Variants in RAPGEF4 observed in about 807,000 individuals in gnomAD.
The protein encoded by RAPGEF4 is Rap guanine nucleotide exchange factor 4.
RAPGEF4 carries 66 observed loss-of-function variants against 147.9 expected under a neutral mutation model. The observed-to-expected ratio is 0.45, with a 90% CI of 0.37 to 0.55. The LOEUF (loss-of-function observed/expected upper bound fraction) is 0.55, where lower values mean the gene tolerates loss of function less well. Among genes scored for constraint, RAPGEF4 ranks in the 20% least tolerant of loss-of-function variants. The pLI is 0.00. For missense variants in RAPGEF4, 1,071 were observed against 1,257.3 expected, an observed-to-expected ratio of 0.85 and a Z score of 2.24; for synonymous variants, 419 against 442.7, an observed-to-expected ratio of 0.95 and a Z score of 0.67.
intron 15 of RAPGEF4, among the ~76,000 whole-genome samples, chr2:172,991,945 T>C (rs1230767249): frequency 6.6e-6 from 1 of 152,226 alleles, no homozygotes; most frequent in African/African-American, 2.4e-5. Flanking sequence ...AGGATTCTTA[T>C]CATATTACAA....
chr2:172,857,912 A>G, intron 4 of RAPGEF4, among the ~76,000 whole-genome samples: 4 of 4,232 alleles, frequency 9.5e-4, no homozygotes, highest in African/African-American at 1.6e-3. Context: ...AAAAAAAAAA[A>G]AAAAAAAAAA....
intron 26 of RAPGEF4, 58 bp from the exon 27 acceptor site, chr2:173,033,856 A>C: frequency 1.3e-6 from 2 of 1,501,692 alleles, no homozygotes; most frequent in South Asian, 2.3e-5. Flanking sequence ...GTAACCCATG[A>C]TACATATCTA....
At chr2:172,919,336 A>G (rs1162253742) in intron 5 of RAPGEF4, among the ~76,000 whole-genome samples, 1 of 152,096 alleles carries the variant, frequency 6.6e-6, no homozygotes. Flanking sequence ...GACCCCTCAA[A>G]GTCTGGATTT....
chr2:172,908,054 T>C (rs1268689170), intron 4 of RAPGEF4, among the ~76,000 whole-genome samples: 2 of 152,174 alleles, frequency 1.3e-5, no homozygotes, highest in Non-Finnish European at 2.9e-5. Flanking sequence ...CTGCACACTT[T>C]CCGTAACATC....
chr2:172,841,353 A>G (rs533089934), intron 4 of RAPGEF4, among the ~76,000 whole-genome samples: 6 of 152,274 alleles, frequency 3.9e-5, no homozygotes, highest in African/African-American at 1.4e-4. Context: ...CCATGAGTGA[A>G]GGCAGCCCCC....
intron 4 of RAPGEF4, among the ~76,000 whole-genome samples, chr2:172,826,111 C>T (rs551331656): frequency 6.6e-6 from 1 of 152,276 alleles, no homozygotes; most frequent in South Asian, 2.1e-4. Context: ...GTGAAGATCC[C>T]AGCGATTTGA....
intron 1 of RAPGEF4, among the ~76,000 whole-genome samples, chr2:172,753,916 A>T (rs929440958): frequency 6.6e-6 from 1 of 152,012 alleles, no homozygotes; most frequent in African/African-American, 2.4e-5. Context: ...CACACACCGC[A>T]CACATATACA....
chr2:172,966,873 C>T (rs752791040), intron 9 of RAPGEF4, among the ~76,000 whole-genome samples: 14 of 152,196 alleles, frequency 9.2e-5, no homozygotes, highest in Non-Finnish European at 2.1e-4. Context: ...TTTTCAAAGC[C>T]TGTACTTTCC....
intron 6 of RAPGEF4, among the ~76,000 whole-genome samples, chr2:172,949,577 T>C (rs995300207): frequency 8.5e-5 from 13 of 152,258 alleles, no homozygotes; most frequent in African/African-American, 3.1e-4. Context: ...TGTAGTGTGC[T>C]ATATTTTTTA....
At chr2:173,015,016 TCA>T (rs1187900039) in intron 18 of RAPGEF4, among the ~76,000 whole-genome samples, 2 of 152,216 alleles carry the variant, frequency 1.3e-5, no homozygotes, top group African/African-American at 4.8e-5. Context: ...AGTAGCCATG[TCA>T]CAGATATATT....
chr2:172,941,125 G>A (rs11688147), intron 6 of RAPGEF4, among the ~76,000 whole-genome samples: 57,866 of 151,914 alleles, frequency 0.38, 11,721 homozygotes, highest in Middle Eastern at 0.49. Context: ...AATTTTCTAC[G>A]TAGACAATCA....
chr2:172,997,526 G>A (rs568295415), intron 16 of RAPGEF4, among the ~76,000 whole-genome samples: 11 of 152,282 alleles, frequency 7.2e-5, no homozygotes, highest in African/African-American at 2.2e-4. Flanking sequence ...CTAAGACACA[G>A]AAATTCTAGG....
At chr2:172,916,203 C>T (rs781597449) in intron 4 of RAPGEF4, among the ~76,000 whole-genome samples, 3 of 152,136 alleles carry the variant, frequency 2.0e-5, no homozygotes, top group Non-Finnish European at 4.4e-5. Context: ...AAGGTGCTTC[C>T]GTGGAGCTCA....
At chr2:172,786,635 G>C (rs1685233992) in intron 1 of RAPGEF4, among the ~76,000 whole-genome samples, 1 of 152,194 alleles carries the variant, frequency 6.6e-6, no homozygotes, top group African/African-American at 2.4e-5. Flanking sequence ...AGAGCTTTGG[G>C]AGGCCAAAGT....
chr2:172,972,945 C>G lies in RAPGEF4; in HGVS notation c.1004+5501C>G, dbSNP rs190400088. The stretch of plus-strand genomic sequence containing the variant: ...CTATCCCTTTAGTTATTTTTTAATT[C>G]CTAACTTTTTACACTTAATAACATA... On this transcript the variant is annotated intron_variant, in intron 10 of 30. Transcript: ENST00000397081. 6.6e-5 allele frequency among the ~76,000 whole-genome samples: 10 copies of G among 152,152 alleles called. No individual in the cohort carries two copies. In the East Asian group the frequency reaches 1.9e-3, roughly 29 times the overall value.
intron 4 of RAPGEF4, among the ~76,000 whole-genome samples, chr2:172,880,647 G>A (rs1405086442): frequency 6.6e-6 from 1 of 152,232 alleles, no homozygotes; most frequent in African/African-American, 2.4e-5. Flanking sequence ...TATATGGCTA[G>A]TTGGTTCAAT....
chr2:172,930,418 C>G (rs1254632690), intron 6 of RAPGEF4, among the ~76,000 whole-genome samples: 1 of 152,108 alleles, frequency 6.6e-6, no homozygotes, highest in Non-Finnish European at 1.5e-5. Context: ...TTTTAAAATA[C>G]AGAACTAGCT....
At chr2:172,876,510 G>A (rs1159365643) in intron 4 of RAPGEF4, among the ~76,000 whole-genome samples, 1 of 152,174 alleles carries the variant, frequency 6.6e-6, no homozygotes, top group African/African-American at 2.4e-5. Flanking sequence ...AGATAATCAT[G>A]TGGTTTTTGT....
At chr2:172,760,283 C>A (rs1696179516) in intron 1 of RAPGEF4, among the ~76,000 whole-genome samples, 1 of 152,122 alleles carries the variant, frequency 6.6e-6, no homozygotes, top group South Asian at 2.1e-4. Flanking sequence ...TAAAAATACT[C>A]CACTGAGCAA....
Sources: gnomAD v4.1 joint callset for allele counts (sites outside exome capture counted in the v4.1 genomes callset) on GRCh38, gnomAD v4.1.1 for gene constraint, MANE v1.5 for transcripts, NCBI Gene and HGNC (gene_info 2026-07-23, HGNC 2026-07-21) for gene names.